The following STK10 variants were observed in gnomAD, a reference collection of about 807,000 sequenced individuals.
The protein encoded by STK10 is serine/threonine kinase 10, also known as serine/threonine-protein kinase 10.
Under a neutral mutation model 113.8 loss-of-function variants are expected in STK10, and 78 were observed. The ratio of observed to expected loss-of-function variants is 0.69; its 90% CI spans 0.57 to 0.83. The LOEUF is 0.83. STK10 is among the 40% of genes least tolerant of loss of function. STK10 has a pLI of 0.00. For synonymous variants in STK10, 465 were observed against 494.7 expected (o/e 0.94, Z 0.80); for missense variants, 1,109 against 1,280.1 (o/e 0.87, Z 2.04).
At chr5:172,060,794 A>AG (rs1258609902) in intron 14 of STK10, among the ~76,000 whole-genome samples, 1 of 152,252 alleles carries the variant, frequency 6.6e-6, no homozygotes, top group Non-Finnish European at 1.5e-5. Context: ...AGATAAAGGT[A>AG]GAAAAATGGA....
intron 12 of STK10, among the ~76,000 whole-genome samples, chr5:172,065,344 C>G (rs1768046143): frequency 2.1e-5 from 3 of 145,138 alleles, no homozygotes; most frequent in Admixed American, 1.4e-4. Context: ...CCTGCCTAAG[C>G]CTTCCAAGTA....
intron 1 of STK10, among the ~76,000 whole-genome samples, chr5:172,177,638 A>G (rs1770781668): frequency 6.6e-6 from 1 of 152,220 alleles, no homozygotes; most frequent in Admixed American, 6.5e-5. Flanking sequence ...AAAGAATACA[A>G]CACATTGCTT....
At chr5:172,109,417 G>A (rs1276978379) in intron 4 of STK10, among the ~76,000 whole-genome samples, 1 of 151,514 alleles carries the variant, frequency 6.6e-6, no homozygotes, top group Non-Finnish European at 1.5e-5. Context: ...CAACCTCCCA[G>A]GCTCAAGCAA....
chr5:172,045,565 G>A (rs1417721218), intron 18 of STK10: 2 of 407,150 alleles, frequency 4.9e-6, no homozygotes, highest in East Asian at 7.0e-5. Context: ...TCTGTGGTGG[G>A]ACCAAGGCCT....
chr5:172,138,279 G>A (rs1359881010), intron 2 of STK10, among the ~76,000 whole-genome samples: 7 of 151,992 alleles, frequency 4.6e-5, no homozygotes, highest in African/African-American at 1.7e-4. Flanking sequence ...GTGCCACCAC[G>A]CCTGGCTAAT....
intron 2 of STK10, among the ~76,000 whole-genome samples, chr5:172,131,791 T>C (rs1561819462): frequency 6.6e-6 from 1 of 152,140 alleles, no homozygotes. Flanking sequence ...AAAATAATAG[T>C]TGAATGTATC....
In STK10 at chr5:172,096,512, C is replaced by T; in HGVS notation, c.919G>A (p.Val307Met). ...ATCACCTCGGCCTTGGCCTCAGCCA[C>T]CAGCTCCCGCAGAGCCTTGTTACTG... is the stretch of plus-strand genomic sequence containing the variant. The part of the protein sequence containing the change: ...ITSNKALREL[V>M]AEAKAEVMEE... The change falls in exon 8 of 19, where the codon GTG (valine) becomes ATG (methionine). Residue 307 changes from valine (V) to methionine (M), a missense_variant. Transcript: ENST00000176763. 1.2e-6 allele frequency: 2 copies of T among 1,613,854 alleles called. No homozygotes were observed. Among genetic ancestry groups the T allele is most frequent in the Non-Finnish European group, 1.7e-6 (2 of 1,180,040 alleles).
intron 3 of STK10, among the ~76,000 whole-genome samples, chr5:172,118,878 C>CAAAAAAAAAAAAAAAAAAAAAAA (rs3028101): frequency 1.4e-5 from 1 of 71,310 alleles, no homozygotes; most frequent in African/African-American, 5.0e-5. Flanking sequence ...GACTCAGTCT[C>CAAAAAAAAAAAAAAAAAAAAAAA]AAAAAAAAAA....
At chr5:172,128,244 A>G (rs1769670841) in intron 2 of STK10, among the ~76,000 whole-genome samples, 1 of 137,962 alleles carries the variant, frequency 7.2e-6, no homozygotes, top group Admixed American at 7.4e-5. Flanking sequence ...AAAAAAAAAA[A>G]AGAAAGGTTC....
chr5:172,070,525 AGCATTAAGT>A (rs144141092), intron 12 of STK10, among the ~76,000 whole-genome samples: 21,366 of 152,080 alleles, frequency 0.14, 1,571 homozygotes, highest in Non-Finnish European at 0.16. Context: ...TGAAATTTAT[AGCATTAAGT>A]GCTTAAAGAA....
In STK10 at chr5:172,055,679, C is replaced by T. The variant is rs1393603165; in HGVS notation, c.2435G>A (p.Ser812Asn). 1.9e-6 allele frequency: 3 copies of T among 1,589,132 alleles called. No individual in the cohort carries two copies. The East Asian group carries it at 6.9e-5, about 37-fold the overall frequency. Residue 812 changes from serine to asparagine, a missense_variant, in exon 16 of 19, where the codon AGT (serine) becomes AAT (asparagine). By Grantham distance (46) the Ser-to-Asn change is conservative. This residue lies in a region of STK10 where 885 missense variants were observed against 991.1 expected (regional missense o/e 0.89). Transcript: ENST00000176763. Reference protein sequence around the residue: ...EKARLPKIQRSEGKTRMAMYK... With the variant: ...EKARLPKIQRNEGKTRMAMYK... ...CATGGCCATGCGCGTCTTGCCCTCA[C>T]TCCTCTGGATCTTGGGCAGCCGCGC...
At chr5:172,101,932 G>C (rs1768998775) in intron 7 of STK10, among the ~76,000 whole-genome samples, 1 of 151,518 alleles carries the variant, frequency 6.6e-6, no homozygotes, top group Admixed American at 6.6e-5. Context: ...TGAGGCTGGA[G>C]TGTGGGAGCG....
intron 1 of STK10, among the ~76,000 whole-genome samples, chr5:172,172,924 G>A (rs1354572855): frequency 1.3e-5 from 2 of 152,004 alleles, no homozygotes; most frequent in African/African-American, 4.8e-5. Flanking sequence ...AGGTTGCAGT[G>A]AGTCGAGATC....
In STK10 at chr5:172,106,796, G is replaced by A. The variant is rs1384007226; in HGVS notation, c.612C>T (p.Val204=). 1.1e-5 allele frequency: 18 copies of A among 1,613,942 alleles called. No homozygotes were observed. The Admixed American group carries it at 2.7e-4, about 24-fold the overall frequency. ...GCGTGTCTTTCATGGTCTCACACAT[G>A]ACCACCTCGGGGGCCATCCTGAACC... ...GTPYWMAPEV[V]MCETMKDTPY... Residue 204 remains valine (V), a synonymous_variant, in exon 6 of 19, where the codon GTC becomes GTT. Coordinates refer to ENST00000176763, the MANE Select transcript of STK10 (RefSeq NM_005990.4).
chr5:172,114,433 T>C (rs1236253463), intron 4 of STK10, among the ~76,000 whole-genome samples: 3 of 136,460 alleles, frequency 2.2e-5, no homozygotes, highest in African/African-American at 8.5e-5. Flanking sequence ...TAGCTCCAAA[T>C]TTATGTATAT....
At chr5:172,153,679 A>G (rs1770292187) in intron 2 of STK10, among the ~76,000 whole-genome samples, 2 of 152,228 alleles carry the variant, frequency 1.3e-5, no homozygotes, top group South Asian at 4.1e-4. Context: ...TCCACATGGA[A>G]AAGTGGGCTC....
intron 2 of STK10, among the ~76,000 whole-genome samples, chr5:172,139,912 A>C (rs1024240038): frequency 2.6e-5 from 4 of 151,622 alleles, no homozygotes; most frequent in Non-Finnish European, 5.9e-5. Context: ...AAAAAAAAAA[A>C]AAAAAACCCA....
rs4868145 is a variant in STK10, at chr5:172,150,685, T to G, written c.321+5939A>C. ...AAGGGCTGGCCTCTGAGCCCAGGACTACAAGCCACAAAAACCCTGGCCAGC... is the reference window on the plus strand; with the variant it reads ...AAGGGCTGGCCTCTGAGCCCAGGACGACAAGCCACAAAAACCCTGGCCAGC... On this transcript the variant is annotated intron_variant, in intron 2 of 18. Coordinates refer to ENST00000176763, the MANE Select transcript of STK10 (RefSeq NM_005990.4). Among the ~76,000 whole-genome samples the G allele has an allele frequency of 2.9e-3, 446 of 151,772 alleles. 3 individuals carry two copies. Among genetic ancestry groups the G allele is most frequent in the African/African-American group, 0.01 (420 of 41,378 alleles).
At chr5:172,127,517 C>T (rs1422030066) in intron 2 of STK10, 96 bp from the exon 3 acceptor site, 25 of 1,318,090 alleles carry the variant, frequency 1.9e-5, no homozygotes, top group Non-Finnish European at 2.6e-5. Flanking sequence ...CACCCATGCC[C>T]AATGCCTGGG....
Sources: allele counts gnomAD v4.1 joint callset (sites outside exome capture counted in the v4.1 genomes callset), GRCh38; gene constraint gnomAD v4.1.1; regional missense constraint gnomAD v4.1.1; transcripts MANE v1.5; gene names NCBI Gene and HGNC (gene_info 2026-07-23, HGNC 2026-07-21).